Variants in GRM7 observed in about 807,000 individuals in gnomAD.
GRM7 encodes metabotropic glutamate receptor 7.
In GRM7, 35 loss-of-function variants were observed where a neutral mutation model predicts 84.5. That is an observed-to-expected ratio of 0.41 (90% confidence interval 0.32 to 0.55). The LOEUF is 0.55. Ranked by LOEUF, GRM7 falls within the 20% of genes least tolerant of loss-of-function variation. The probability of loss-of-function intolerance (pLI) is 0.19; values close to 1 mark genes in which losing one functional copy is unlikely to be tolerated. For synonymous variants in GRM7, 487 were observed against 455.1 expected, an observed-to-expected ratio of 1.07 and a Z score of -0.89; for missense variants, 1,003 against 1,194.6, an observed-to-expected ratio of 0.84 and a Z score of 2.36.
chr3:7,252,953 G>C (rs1027353071), intron 2 of GRM7, among the ~76,000 whole-genome samples: 77 of 140,902 alleles, frequency 5.5e-4, no homozygotes, highest in Non-Finnish European at 8.7e-4. Context: ...GCCTCCCAAA[G>C]TGCTGGGATT....
At chr3:7,156,464 G>A (rs140931248) in intron 2 of GRM7, among the ~76,000 whole-genome samples, 3 of 152,270 alleles carry the variant, frequency 2.0e-5, no homozygotes, top group East Asian at 1.9e-4. Flanking sequence ...GGTGGCAACC[G>A]GATCAGTAAC....
intron 1 of GRM7, among the ~76,000 whole-genome samples, chr3:7,017,947 T>C (rs971876915): frequency 7.2e-5 from 11 of 152,224 alleles, no homozygotes; most frequent in African/African-American, 1.2e-4. Flanking sequence ...TCCAAGCACC[T>C]AATTACTTGT....
chr3:7,678,152 C>A (rs1477178566), intron 8 of GRM7, among the ~76,000 whole-genome samples: 1 of 151,874 alleles, frequency 6.6e-6, no homozygotes, highest in Non-Finnish European at 1.5e-5. Context: ...TTATTCATAC[C>A]CCAAACCTCA....
intron 2 of GRM7, among the ~76,000 whole-genome samples, chr3:7,214,685 A>G (rs1407852883): frequency 2.6e-5 from 4 of 152,244 alleles, no homozygotes; most frequent in Non-Finnish European, 5.9e-5. Context: ...GAGATGTCAT[A>G]AATCTTCCTG....
At chr3:7,223,294 T>A (rs1022916402) in intron 2 of GRM7, among the ~76,000 whole-genome samples, 9 of 151,600 alleles carry the variant, frequency 5.9e-5, no homozygotes, top group African/African-American at 2.2e-4. Flanking sequence ...TTTGATTGTA[T>A]TTTTTTTGTC....
At chr3:7,093,102 A>G (rs1466446230) in intron 1 of GRM7, among the ~76,000 whole-genome samples, 1 of 152,130 alleles carries the variant, frequency 6.6e-6, no homozygotes, top group Non-Finnish European at 1.5e-5. Context: ...CAACAACAAT[A>G]AAAAGGAAAT....
At chr3:6,974,000 A>T (rs1403905505) in intron 1 of GRM7, among the ~76,000 whole-genome samples, 3 of 152,210 alleles carry the variant, frequency 2.0e-5, no homozygotes, top group Non-Finnish European at 4.4e-5. Context: ...TCCTATAAAA[A>T]GCCAGGAGGG....
Position 7,303,140 on chromosome 3 carries a change from C to A in GRM7, c.879-3358C>A, listed in dbSNP as rs545426928. Among the ~76,000 whole-genome samples, 4 of 152,120 alleles carry A rather than the reference C, an allele frequency of 2.6e-5. No homozygotes were observed. The South Asian group carries it at 8.3e-4, about 32-fold the overall frequency. On this transcript the variant is annotated intron_variant, in intron 3 of 9. Transcript: ENST00000357716. The stretch of plus-strand genomic sequence containing the variant: ...TATTTTTAGTAGAGACGGGCTTTCA[C>A]CATGTTAGCCAGGATGGTCTTGATC...
chr3:6,891,675 T>C (rs772624014), intron 1 of GRM7, among the ~76,000 whole-genome samples: 2 of 152,208 alleles, frequency 1.3e-5, no homozygotes, highest in Non-Finnish European at 2.9e-5. Context: ...ATTTTTTCCT[T>C]CATTTCAACT....
At chr3:7,283,710 A>G (rs1448835324) in intron 2 of GRM7, among the ~76,000 whole-genome samples, 1 of 152,176 alleles carries the variant, frequency 6.6e-6, no homozygotes, top group Non-Finnish European at 1.5e-5. Context: ...TCACTACACA[A>G]TTATTTCCTA....
At chr3:7,701,657 A>G (rs891555832) in intron 9 of GRM7, among the ~76,000 whole-genome samples, 3 of 152,130 alleles carry the variant, frequency 2.0e-5, no homozygotes, top group Non-Finnish European at 4.4e-5. Flanking sequence ...GAGGGTAATT[A>G]AACGGGTGGT....
At chr3:7,090,496 C>T (rs1338921493) in intron 1 of GRM7, among the ~76,000 whole-genome samples, 1 of 152,160 alleles carries the variant, frequency 6.6e-6, no homozygotes, top group Admixed American at 6.5e-5. Flanking sequence ...CCACTGGAGG[C>T]CTCCAACCCC....
At chr3:7,700,177 G>A (rs1476491057) in intron 9 of GRM7, among the ~76,000 whole-genome samples, 2 of 152,126 alleles carry the variant, frequency 1.3e-5, no homozygotes, top group Non-Finnish European at 2.9e-5. Context: ...ACAACAACCT[G>A]CTTTCAACAA....
chr3:6,978,356 T>C (rs1202562819), intron 1 of GRM7, among the ~76,000 whole-genome samples: 1 of 152,166 alleles, frequency 6.6e-6, no homozygotes, highest in Non-Finnish European at 1.5e-5. Context: ...TATAAACTTC[T>C]AGCTTTTAGA....
chr3:7,465,626 C>A (rs1321453385), intron 7 of GRM7, among the ~76,000 whole-genome samples: 1 of 152,126 alleles, frequency 6.6e-6, no homozygotes, highest in African/African-American at 2.4e-5. Context: ...TGTAGGTTTG[C>A]TTTCCTCTAG....
intron 2 of GRM7, among the ~76,000 whole-genome samples, chr3:7,263,278 GT>G (rs1698506876): frequency 6.6e-6 from 1 of 152,132 alleles, no homozygotes; most frequent in South Asian, 2.1e-4. Flanking sequence ...ACTCCTCAAG[GT>G]TGGTATAACC....
intron 8 of GRM7, among the ~76,000 whole-genome samples, chr3:7,625,715 T>TCTGAGG (rs1697577347): frequency 6.6e-6 from 1 of 152,184 alleles, no homozygotes; most frequent in African/African-American, 2.4e-5. Context: ...GAATATTCCC[T>TCTGAGG]GTCTGCTTCT....
At chr3:6,951,117 C>T (rs1327089143) in intron 1 of GRM7, among the ~76,000 whole-genome samples, 1 of 152,210 alleles carries the variant, frequency 6.6e-6, no homozygotes, top group African/African-American at 2.4e-5. Flanking sequence ...CAGAAATCAC[C>T]CATCTTCTGC....
intron 2 of GRM7, among the ~76,000 whole-genome samples, chr3:7,203,850 G>A (rs182098084): frequency 5.9e-5 from 9 of 152,038 alleles, no homozygotes; most frequent in African/African-American, 1.4e-4. Context: ...TATTCTTATC[G>A]CTACAAATTT....
Sources: allele counts gnomAD v4.1 joint callset (sites outside exome capture counted in the v4.1 genomes callset), GRCh38; gene constraint gnomAD v4.1.1; transcripts MANE v1.5; gene names NCBI Gene and HGNC (gene_info 2026-07-23, HGNC 2026-07-21).